The following RAB3C variants were observed in gnomAD, a reference collection of about 807,000 sequenced individuals.
RAB3C encodes the protein ras-related protein Rab-3C.
Under a neutral mutation model 26.4 loss-of-function variants are expected in RAB3C, and 17 were observed. That is an observed-to-expected ratio of 0.64 (90% CI 0.44 to 0.97). The LOEUF (loss-of-function observed/expected upper bound fraction) is 0.97, where lower values mean the gene tolerates loss of function less well. Ranked by LOEUF, RAB3C falls within the 50% of genes least tolerant of loss-of-function variation. RAB3C has a pLI of 0.00. For missense variants in RAB3C, 242 were observed against 281.9 expected (o/e 0.86, Z 1.01); for synonymous variants, 91 against 95.9 (o/e 0.95, Z 0.30).
chr5:58,792,876 T>A (rs1221999968), intron 3 of RAB3C, among the ~76,000 whole-genome samples: 1 of 152,058 alleles, frequency 6.6e-6, no homozygotes, highest in African/African-American at 2.4e-5. Context: ...TGTAATTAAT[T>A]GTTAGTAATT....
chr5:58,628,156 CAAAAAAAAAAA>C lies in RAB3C; in HGVS notation c.252+10298_252+10308del, dbSNP rs58277302. ...TGGGCGACAAGGCAAGACTCCGTCT[CAAAAAAAAAAA>C]AAAAAAAAAAACAGTTTACAAAGCA... On this transcript the variant is annotated intron_variant, in intron 2 of 4. Coordinates refer to ENST00000282878, the MANE Select transcript of RAB3C (RefSeq NM_138453.4). Among the ~76,000 whole-genome samples, 213 of 71,476 alleles carry C rather than the reference CAAAAAAAAAAA, an allele frequency of 3.0e-3. 1 individual carries two copies. The Middle Eastern group carries it at 0.049, about 16-fold the overall frequency. 46.9% of individuals were successfully genotyped at this position (71,476 alleles called of 152,430 possible).
At chr5:58,786,324 T>A (rs1464520426) in intron 3 of RAB3C, among the ~76,000 whole-genome samples, 1 of 152,064 alleles carries the variant, frequency 6.6e-6, no homozygotes, top group Admixed American at 6.5e-5. Context: ...AGTTCTTGAG[T>A]CCAGCGTTTA....
chr5:58,794,749 G>A (rs1052811700), intron 3 of RAB3C, among the ~76,000 whole-genome samples: 2 of 152,238 alleles, frequency 1.3e-5, no homozygotes, highest in African/African-American at 4.8e-5. Flanking sequence ...GATGGAGAAA[G>A]TGAGGCGCAG....
chr5:58,806,382 A>C (rs1403676218), intron 3 of RAB3C, among the ~76,000 whole-genome samples: 2 of 152,188 alleles, frequency 1.3e-5, no homozygotes, highest in African/African-American at 4.8e-5. Context: ...GGCAACCAAT[A>C]CATCAATTTT....
chr5:58,649,599 C>T lies in RAB3C; in HGVS notation c.252+31729C>T, dbSNP rs76170731. ...GGAGCCCCACATTCTCTTAACCACC[C>T]CAGAGGAGGCTCCAAGGCACCCAGA... On this transcript the variant is annotated intron_variant, in intron 2 of 4. Transcript: ENST00000282878. Among the ~76,000 whole-genome samples, 8 of 152,084 alleles carry T rather than the reference C, an allele frequency of 5.3e-5. No homozygotes were observed. In the East Asian group the frequency reaches 1.5e-3, roughly 29 times the overall value.
chr5:58,693,360 A>G (rs945386307), intron 2 of RAB3C, among the ~76,000 whole-genome samples: 15 of 144,944 alleles, frequency 1.0e-4, no homozygotes, highest in Non-Finnish European at 2.1e-4. Context: ...ATATATATAT[A>G]TAAAATTTCT....
At chr5:58,622,007 G>A (rs1746951000) in intron 2 of RAB3C, among the ~76,000 whole-genome samples, 1 of 152,162 alleles carries the variant, frequency 6.6e-6, no homozygotes, top group Non-Finnish European at 1.5e-5. Flanking sequence ...TGGATTAGTA[G>A]ATTTGCAACA....
At chr5:58,834,037 A>G (rs1743680131) in intron 4 of RAB3C, among the ~76,000 whole-genome samples, 2 of 152,254 alleles carry the variant, frequency 1.3e-5, no homozygotes, top group Admixed American at 1.3e-4. Context: ...AGTTCAAAAA[A>G]GTAAATAACA....
At chr5:58,782,626 AT>A (rs986260392) in intron 3 of RAB3C, among the ~76,000 whole-genome samples, 13 of 152,076 alleles carry the variant, frequency 8.5e-5, no homozygotes, top group Admixed American at 2.0e-4. Context: ...AAAATTAAGC[AT>A]TTTTTTCTGC....
chr5:58,795,939 C>G (rs1467343745), intron 3 of RAB3C, among the ~76,000 whole-genome samples: 1 of 152,146 alleles, frequency 6.6e-6, no homozygotes, highest in African/African-American at 2.4e-5. Flanking sequence ...GCACATTGTT[C>G]AGACCACCAA....
chr5:58,818,744 C>T (rs1743272959), intron 3 of RAB3C, among the ~76,000 whole-genome samples: 2 of 152,306 alleles, frequency 1.3e-5, no homozygotes, highest in African/African-American at 4.8e-5. Context: ...CACTCGCTTT[C>T]AGTGTGTGTC....
upstream of RAB3C, chr5:58,582,984 C>G: frequency 7.8e-7 from 1 of 1,278,416 alleles, no homozygotes; most frequent in East Asian, 2.7e-5. Context: ...GCCCGTTTGC[C>G]GGGAACACCC....
chr5:58,839,457 G>T (rs145483672), intron 4 of RAB3C, among the ~76,000 whole-genome samples: 1,860 of 151,786 alleles, frequency 0.012, 22 homozygotes, highest in Non-Finnish European at 0.019. Context: ...CACAACATCC[G>T]CCTCCCAGGT....
At chr5:58,662,935 T>C (rs1399724026) in intron 2 of RAB3C, among the ~76,000 whole-genome samples, 2 of 150,424 alleles carry the variant, frequency 1.3e-5, no homozygotes, top group Non-Finnish European at 2.9e-5. Context: ...GCATGTAAGT[T>C]TTAACACAAT....
chr5:58,857,310 C>A lies in RAB3C; in HGVS notation c.*5959C>A, dbSNP rs563733310. Reference sequence around the variant, plus strand: ...TCAAAATACTTTTTTCTTATAAAACCAAACATTTAGTATCTGGAAATATGT... The same window carrying A: ...TCAAAATACTTTTTTCTTATAAAACAAAACATTTAGTATCTGGAAATATGT... On this transcript the variant is annotated 3_prime_UTR_variant, in exon 5 of 5. Transcript: ENST00000282878. The A allele has an allele frequency of 6.6e-6, 1 of 152,120 alleles. No homozygotes were observed. Among genetic ancestry groups the A allele is most frequent in the African/African-American group, 2.4e-5 (1 of 41,510 alleles). 9.4% of individuals were successfully genotyped at this position (152,120 alleles called of 1,614,324 possible). A position where few individuals can be genotyped will look rare whatever the true frequency, so the allele number is the denominator to read the frequency against.
intron 2 of RAB3C, among the ~76,000 whole-genome samples, chr5:58,700,420 T>C (rs1561293972): frequency 1.3e-5 from 2 of 152,230 alleles, no homozygotes; most frequent in East Asian, 3.8e-4. Context: ...ATTAATTCCA[T>C]GAACTAAGTT....
chr5:58,834,333 A>G (rs1743686120), intron 4 of RAB3C, among the ~76,000 whole-genome samples: 1 of 152,190 alleles, frequency 6.6e-6, no homozygotes, highest in South Asian at 2.1e-4. Flanking sequence ...TGTTGCCTCC[A>G]GCCACTTCAC....
At chr5:58,708,346 C>T (rs1285303904) in intron 2 of RAB3C, among the ~76,000 whole-genome samples, 1 of 152,154 alleles carries the variant, frequency 6.6e-6, no homozygotes, top group Non-Finnish European at 1.5e-5. Flanking sequence ...GCATTACACC[C>T]TTGCCCATCT....
chr5:58,786,234 T>G (rs573862511), intron 3 of RAB3C, among the ~76,000 whole-genome samples: 2 of 152,352 alleles, frequency 1.3e-5, no homozygotes, highest in African/African-American at 4.8e-5. Flanking sequence ...TTTCTCACTC[T>G]GAGTCATTCT....
Sources: gnomAD v4.1 joint callset for allele counts (sites outside exome capture counted in the v4.1 genomes callset) on GRCh38, gnomAD v4.1.1 for gene constraint, MANE v1.5 for transcripts, NCBI Gene and HGNC (gene_info 2026-07-23, HGNC 2026-07-21) for gene names.